SCTR: variants seen among roughly 807,000 people sequenced by gnomAD.
The protein encoded by SCTR is secretin receptor, also known as pancreatic secretin receptor.
In SCTR, 56 loss-of-function variants were observed where a neutral mutation model predicts 60.8. The observed-to-expected ratio is 0.92, with a 90% CI of 0.74 to 1.15. The LOEUF (loss-of-function observed/expected upper bound fraction) is 1.15, where lower values mean the gene tolerates loss of function less well. Among genes scored for constraint, SCTR ranks in the 50% most tolerant of loss-of-function variants. The probability of loss-of-function intolerance (pLI) is 0.00; values close to 1 mark genes in which losing one functional copy is unlikely to be tolerated. For missense variants in SCTR, 562 were observed against 550.4 expected, an observed-to-expected ratio of 1.02 and a Z score of -0.21; for synonymous variants, 202 against 217.0, an observed-to-expected ratio of 0.93 and a Z score of 0.61.
intron 6 of SCTR, among the ~76,000 whole-genome samples, chr2:119,463,478 A>T (rs1683699199): frequency 6.6e-6 from 1 of 152,214 alleles, no homozygotes; most frequent in South Asian, 2.1e-4. Context: ...GTGCGGAAAC[A>T]GGGGAAAAGA....
chr2:119,474,202 G>T (rs954393011), intron 3 of SCTR, among the ~76,000 whole-genome samples: 1 of 152,176 alleles, frequency 6.6e-6, no homozygotes, highest in African/African-American at 2.4e-5. Context: ...CACCACATGG[G>T]CAGTGGCTTC....
At chr2:119,505,410 C>T (rs1418814301) in intron 1 of SCTR, among the ~76,000 whole-genome samples, 1 of 150,860 alleles carries the variant, frequency 6.6e-6, no homozygotes, top group Non-Finnish European at 1.5e-5. Flanking sequence ...CAACATGGCA[C>T]ATGTATACAT....
chr2:119,449,993 GAAGA>G (rs1399159308), intron 9 of SCTR, among the ~76,000 whole-genome samples: 4 of 80,810 alleles, frequency 4.9e-5, no homozygotes, highest in South Asian at 4.4e-4. Context: ...AGGAAGGAAG[GAAGA>G]AAGAGGGAGG....
chr2:119,441,739 T>A (rs908597888), intron 11 of SCTR, 140 bp from the exon 12 acceptor site: 3 of 736,592 alleles, frequency 4.1e-6, no homozygotes, highest in Non-Finnish European at 7.0e-6. Flanking sequence ...TCACTGGGAA[T>A]TAGGCTACCT....
intron 7 of SCTR, among the ~76,000 whole-genome samples, chr2:119,454,342 C>A (rs1318974347): frequency 6.6e-6 from 1 of 152,132 alleles, no homozygotes; most frequent in Non-Finnish European, 1.5e-5. Flanking sequence ...TAGTCAACTT[C>A]CAACAGAGTT....
In SCTR at chr2:119,524,416, G is replaced by T. The variant is rs1361219669; in HGVS notation, c.-190C>A. The T allele has an allele frequency of 1.3e-5, 5 of 384,798 alleles. No homozygotes were observed. The highest frequency in any genetic ancestry group is 1.8e-5 in the Non-Finnish European group (4 of 219,168). 23.8% of individuals were successfully genotyped at this position (384,798 alleles called of 1,614,324 possible). ...CTCCTCGGACCAGGTGGCCGCGCGC[G>T]CTAAGCCGCCCGCCCCATTGATCAG... is the stretch of plus-strand genomic sequence containing the variant. On this transcript the variant is annotated 5_prime_UTR_variant, in exon 1 of 13. Transcript: ENST00000019103.
intron 10 of SCTR, 133 bp from the exon 11 acceptor site, chr2:119,447,018 T>C (rs1421844796): frequency 1.1e-6 from 1 of 942,714 alleles, no homozygotes. Context: ...CAAACTTTTT[T>C]GTTTTCATTT....
chr2:119,482,758 T>C (rs1438244183), intron 2 of SCTR, among the ~76,000 whole-genome samples: 1 of 152,036 alleles, frequency 6.6e-6, no homozygotes, highest in Non-Finnish European at 1.5e-5. Context: ...CAGATGCCTG[T>C]GGGATGGGGA....
chr2:119,464,316 G>A, intron 5 of SCTR, 61 bp from the exon 6 acceptor site: 1 of 1,550,646 alleles, frequency 6.4e-7, no homozygotes, highest in Non-Finnish European at 8.9e-7. Context: ...ACTCAGCCAG[G>A]CCCACCTGCC....
chr2:119,502,564 GT>G (rs200788324), intron 1 of SCTR, among the ~76,000 whole-genome samples: 10 of 151,234 alleles, frequency 6.6e-5, no homozygotes, highest in African/African-American at 1.9e-4. Flanking sequence ...TAAAAGAGGT[GT>G]TTTTTTTTAA....
In SCTR at chr2:119,439,962, C is replaced by T; in HGVS notation, c.*155G>A. On this transcript the variant is annotated 3_prime_UTR_variant, in exon 13 of 13. Transcript: ENST00000019103. ...CCTTGTCCTGCCCCACAGTGCCTCA[C>T]ATCCCTTCGGAAGAGTCCAAGGCCT... 1 of 752,184 alleles carries T rather than the reference C, an allele frequency of 1.3e-6. No homozygotes were observed. 46.6% of individuals were successfully genotyped at this position (752,184 alleles called of 1,614,324 possible). A position where few individuals can be genotyped will look rare whatever the true frequency, so the allele number is the denominator to read the frequency against.
chr2:119,508,967 C>G (rs1306224368), intron 1 of SCTR, among the ~76,000 whole-genome samples: 1 of 152,188 alleles, frequency 6.6e-6, no homozygotes, highest in Non-Finnish European at 1.5e-5. Context: ...AAATTTACTG[C>G]CAAGGACAGG....
chr2:119,453,539 C>T (rs942932887), intron 7 of SCTR, among the ~76,000 whole-genome samples, 192 bp from the exon 8 acceptor site: 1 of 152,228 alleles, frequency 6.6e-6, no homozygotes, highest in Non-Finnish European at 1.5e-5. Context: ...GGGTGCCGGG[C>T]ATGCCCTGGG....
intron 4 of SCTR, among the ~76,000 whole-genome samples, chr2:119,467,669 TGAA>T (rs1683895292): frequency 6.6e-6 from 1 of 151,748 alleles, no homozygotes; most frequent in African/African-American, 2.4e-5. Flanking sequence ...TATTTATACA[TGAA>T]GATGTTTATC....
At chr2:119,478,706 C>G in intron 3 of SCTR, 105 bp downstream of exon 3, 1 of 949,216 alleles carries the variant, frequency 1.1e-6, no homozygotes, top group South Asian at 1.6e-5. Flanking sequence ...TGTACCCATA[C>G]TTGTCCTCAG....
At chr2:119,461,808 C>G (rs757692241) in intron 7 of SCTR, 39 bp downstream of exon 7, 45 of 1,566,818 alleles carry the variant, frequency 2.9e-5, no homozygotes. Flanking sequence ...CACCCCTTCC[C>G]ACATACCATG....
chr2:119,460,209 G>C (rs1558844875), intron 7 of SCTR, among the ~76,000 whole-genome samples: 1 of 151,874 alleles, frequency 6.6e-6, no homozygotes, highest in Non-Finnish European at 1.5e-5. Flanking sequence ...AGGCAGCACA[G>C]GGCATTCCTG....
Position 119,473,975 on chromosome 2 carries a change from C to T in SCTR, c.302-419G>A, listed in dbSNP as rs986285032. On this transcript the variant is annotated intron_variant, in intron 3 of 12. Transcript: ENST00000019103. ...GTTCTGTTTTAAATGGAACTTCATG[C>T]CCTGCTCACTCAGCCATTTGAAAAC... Among the ~76,000 whole-genome samples, 3 of 152,220 alleles carry T rather than the reference C, an allele frequency of 2.0e-5. 1 individual carries two copies. The highest frequency in any genetic ancestry group is 4.4e-5 in the Non-Finnish European group (3 of 68,034).
intron 1 of SCTR, among the ~76,000 whole-genome samples, chr2:119,504,393 G>A (rs1898773): frequency 0.29 from 43,823 of 151,906 alleles, 6,938 homozygotes; most frequent in African/African-American, 0.42. Flanking sequence ...GGGAGTTCGA[G>A]ATCAGCCTGA....
Sources: allele counts gnomAD v4.1 joint callset (sites outside exome capture counted in the v4.1 genomes callset), GRCh38; gene constraint gnomAD v4.1.1; transcripts MANE v1.5; gene names NCBI Gene and HGNC (gene_info 2026-07-23, HGNC 2026-07-21).